GRIK4: variants seen among roughly 807,000 people sequenced by gnomAD.
The protein encoded by GRIK4 is glutamate ionotropic receptor kainate type subunit 4.
Under a neutral mutation model 104.9 loss-of-function variants are expected in GRIK4, and 40 were observed. That is an observed-to-expected ratio of 0.38 (90% confidence interval 0.30 to 0.50). GRIK4 has a LOEUF of 0.50. GRIK4 is among the 20% of genes least tolerant of loss of function. The pLI is 0.93. For missense variants in GRIK4, 1,047 were observed against 1,308.1 expected (o/e 0.80, Z 3.08); for synonymous variants, 485 against 524.9 (o/e 0.92, Z 1.04).
At chr11:120,971,711 G>A (rs1000662165) in intron 19 of GRIK4, among the ~76,000 whole-genome samples, 9 of 152,192 alleles carry the variant, frequency 5.9e-5, no homozygotes, top group African/African-American at 1.2e-4. Flanking sequence ...CTGGAAGCCC[G>A]GAAGAGGAAG....
chr11:120,907,790 C>T (rs1435487056), intron 13 of GRIK4, among the ~76,000 whole-genome samples: 1 of 152,030 alleles, frequency 6.6e-6, no homozygotes, highest in Non-Finnish European at 1.5e-5. Context: ...GGAAGGCTTC[C>T]CTTGGGATGT....
intron 3 of GRIK4, among the ~76,000 whole-genome samples, chr11:120,682,260 A>T (rs1950205134): frequency 6.6e-6 from 1 of 152,196 alleles, no homozygotes; most frequent in South Asian, 2.1e-4. Context: ...CGGCCAATGG[A>T]CAGGCAGACG....
intron 3 of GRIK4, among the ~76,000 whole-genome samples, chr11:120,681,186 A>G (rs73584529): frequency 0.014 from 2,138 of 152,262 alleles, 49 homozygotes; most frequent in African/African-American, 0.048. Context: ...ATCAAAAAGA[A>G]AGGGATTGGG....
chr11:120,540,321 G>C (rs1427923165), intron 1 of GRIK4, among the ~76,000 whole-genome samples: 1 of 152,186 alleles, frequency 6.6e-6, no homozygotes, highest in African/African-American at 2.4e-5. Flanking sequence ...CCTCATGGGA[G>C]CTTAAAACTT....
At chr11:120,733,260 T>C (rs1162632263) in intron 3 of GRIK4, among the ~76,000 whole-genome samples, 1 of 152,240 alleles carries the variant, frequency 6.6e-6, no homozygotes, top group African/African-American at 2.4e-5. Context: ...GGTCTTGTTA[T>C]TTTGTGCATT....
chr11:120,535,409 G>A (rs1363316955), intron 1 of GRIK4, among the ~76,000 whole-genome samples: 4 of 151,830 alleles, frequency 2.6e-5, no homozygotes, highest in African/African-American at 9.7e-5. Context: ...AGGGAAGAAG[G>A]AGTTTGGAAA....
chr11:120,538,034 A>G (rs1421733196), intron 1 of GRIK4, among the ~76,000 whole-genome samples: 1 of 152,254 alleles, frequency 6.6e-6, no homozygotes, highest in Non-Finnish European at 1.5e-5. Flanking sequence ...ATTTAGCCTT[A>G]ATAAACAAAA....
chr11:120,772,445 G>GT lies in GRIK4; in HGVS notation c.83-30247dup, dbSNP rs541871162. ...TACTGCATGCTAGGCTCTGTAGTAA[G>GT]TAAGTATTGGGGATGACAAGAGGAG... On this transcript the variant is annotated intron_variant, in intron 3 of 20. Transcript: ENST00000527524. Among the ~76,000 whole-genome samples the GT allele has an allele frequency of 2.2e-3, 330 of 152,286 alleles. 3 individuals are homozygous for GT. The highest frequency in any genetic ancestry group is 2.6e-3 in the Non-Finnish European group (177 of 68,026).
chr11:120,541,333 T>C (rs1049307575), intron 1 of GRIK4, among the ~76,000 whole-genome samples: 4 of 152,220 alleles, frequency 2.6e-5, no homozygotes, highest in Non-Finnish European at 5.9e-5. Context: ...TATTTATTCC[T>C]GTGTCAGTTT....
In GRIK4 at chr11:120,875,119, A is replaced by G; in HGVS notation, c.1060-20A>G. 1 of 1,503,034 alleles carries G rather than the reference A, an allele frequency of 6.7e-7. No individual in the cohort carries two copies. Among genetic ancestry groups the G allele is most frequent in the Non-Finnish European group, 9.3e-7 (1 of 1,079,402 alleles). The allele number at this position is 1,503,034 out of a possible 1,614,324, so 93.1% of individuals were successfully genotyped here. On this transcript the variant is annotated intron_variant, in intron 10 of 20. Transcript: ENST00000527524. ...AACCTGGGGCCTGTTTGGTGCTGTA[A>G]CTCACTCTCTCTTGGACAGGTAGAA...
chr11:120,862,229 T>C (rs1222552184), intron 9 of GRIK4, 109 bp downstream of exon 9: 11 of 918,268 alleles, frequency 1.2e-5, no homozygotes, highest in Non-Finnish European at 1.8e-5. Context: ...CGTCTCCTGC[T>C]CCAGTCCCAG....
At chr11:120,860,407 C>T (rs1954230460) in intron 8 of GRIK4, among the ~76,000 whole-genome samples, 1 of 152,284 alleles carries the variant, frequency 6.6e-6, no homozygotes, top group Middle Eastern at 3.4e-3. Context: ...ACTAACTGGC[C>T]TCGGTGCACT....
At position 120,962,657 on chromosome 11, in the gene GRIK4, G is replaced by A. The variant is rs780792348; in HGVS notation, c.2242G>A (p.Gly748Ser). The A allele has an allele frequency of 1.2e-6, 2 of 1,613,236 alleles. No homozygotes were observed. Among genetic ancestry groups the A allele is most frequent in the Non-Finnish European group, 8.5e-7 (1 of 1,179,250 alleles). The change falls in exon 18 of 21, where the codon GGC (glycine) becomes AGC (serine). Residue 748 changes from glycine to serine, a missense_variant. By Grantham distance (56) the Gly-to-Ser change is moderately conservative (BLOSUM62 0). Coordinates refer to ENST00000527524, the MANE Select transcript of GRIK4 (RefSeq NM_014619.5). Reference sequence around the variant, plus strand: ...GATTGGGGGCCTGCTGGACACCAAGGGCTATGGGATTGGCATGCCAGTCGG... The same window carrying A: ...GATTGGGGGCCTGCTGGACACCAAGAGCTATGGGATTGGCATGCCAGTCGG... ...TQIGGLLDTK[G>S]YGIGMPVGSV...
At chr11:120,846,412 G>C (rs1953852744) in intron 8 of GRIK4, among the ~76,000 whole-genome samples, 1 of 152,226 alleles carries the variant, frequency 6.6e-6, no homozygotes, top group Non-Finnish European at 1.5e-5. Context: ...TGGCAGCCCA[G>C]AGGAGAGAGC....
chr11:120,810,129 C>T (rs575659477), intron 4 of GRIK4, among the ~76,000 whole-genome samples: 1 of 152,268 alleles, frequency 6.6e-6, no homozygotes, highest in Admixed American at 6.5e-5. Context: ...GTTGAATCTC[C>T]AGTAACCCCA....
At chr11:120,875,910 G>A (rs559484748) in intron 11 of GRIK4, among the ~76,000 whole-genome samples, 112 of 152,008 alleles carry the variant, frequency 7.4e-4, no homozygotes, top group African/African-American at 2.6e-3. Flanking sequence ...TCCCACCCTC[G>A]CCATCACCCT....
chr11:120,657,925 G>A (rs964359107), intron 2 of GRIK4, among the ~76,000 whole-genome samples: 18 of 152,346 alleles, frequency 1.2e-4, no homozygotes, highest in African/African-American at 4.3e-4. Context: ...AACACTCAGC[G>A]TGAAAACCAG....
chr11:120,824,610 C>T (rs1456373065), intron 6 of GRIK4, among the ~76,000 whole-genome samples: 34 of 133,550 alleles, frequency 2.5e-4, no homozygotes, highest in Middle Eastern at 5.7e-3. Flanking sequence ...AGTGCAGTGG[C>T]GCAATCTCAG....
chr11:120,674,630 C>T (rs1950070985), intron 3 of GRIK4, among the ~76,000 whole-genome samples: 1 of 152,202 alleles, frequency 6.6e-6, no homozygotes, highest in Non-Finnish European at 1.5e-5. Context: ...CATGGAGTGA[C>T]ACAGGTGGGG....
Sources: allele counts gnomAD v4.1 joint callset (sites outside exome capture counted in the v4.1 genomes callset), GRCh38; gene constraint gnomAD v4.1.1; transcripts MANE v1.5; gene names NCBI Gene and HGNC (gene_info 2026-07-23, HGNC 2026-07-21).